Variants in ZHX2 observed in about 807,000 individuals in gnomAD.
The protein encoded by ZHX2 is zinc fingers and homeoboxes 2.
A neutral mutation model predicts 21.9 loss-of-function variants in ZHX2; 6 were observed. That is an observed-to-expected ratio of 0.27 (90% CI 0.15 to 0.54). ZHX2 has a LOEUF of 0.54. ZHX2 is among the 20% of genes least tolerant of loss of function. The pLI is 0.95. For missense variants in ZHX2, 908 were observed against 1,090.7 expected, an observed-to-expected ratio of 0.83 and a Z score of 2.36; for synonymous variants, 434 against 437.1, an observed-to-expected ratio of 0.99 and a Z score of 0.09.
chr8:122,910,136 A>G (rs947375573), intron 2 of ZHX2, among the ~76,000 whole-genome samples: 3 of 40,492 alleles, frequency 7.4e-5, no homozygotes, highest in Non-Finnish European at 1.7e-4. Flanking sequence ...AAAGTAGGGA[A>G]AAAAAAAAAA....
chr8:122,951,888 C>A lies in ZHX2; in HGVS notation c.378C>A (p.Ser126=). The A allele has an allele frequency of 6.2e-6, 10 of 1,614,058 alleles. No individual in the cohort carries two copies. The highest frequency in any genetic ancestry group is 8.5e-6 in the Non-Finnish European group (10 of 1,180,008). ...NFTTKKYDSL[S]DHNSKFHPGE... ...CAACCAAAAAGTACGACTCCCTATC[C>A]GACCACAACTCCAAGTTCCATCCCG... Residue 126 remains serine (S), a synonymous_variant, in exon 3 of 4, where the codon TCC becomes TCA. Coordinates refer to ENST00000314393, the MANE Select transcript of ZHX2 (RefSeq NM_014943.5).
intron 1 of ZHX2, among the ~76,000 whole-genome samples, chr8:122,858,638 C>CT (rs34399149): frequency 0.052 from 4,264 of 82,530 alleles, 132 homozygotes; most frequent in Non-Finnish European, 0.062. Context: ...TTCTTTCTTT[C>CT]TTTTTTTTTT....
chr8:122,856,314 A>G (rs1365521279), intron 1 of ZHX2, among the ~76,000 whole-genome samples: 1 of 152,140 alleles, frequency 6.6e-6, no homozygotes, highest in Non-Finnish European at 1.5e-5. Context: ...AGGCAGACAC[A>G]CCCATTGTCA....
chr8:122,949,833 C>A (rs1181857413), intron 2 of ZHX2, among the ~76,000 whole-genome samples: 1 of 152,184 alleles, frequency 6.6e-6, no homozygotes, highest in African/African-American at 2.4e-5. Context: ...GAGATAGAGG[C>A]TGCAGTGAGC....
chr8:122,861,030 C>A (rs1266121014), intron 1 of ZHX2, among the ~76,000 whole-genome samples: 1 of 113,442 alleles, frequency 8.8e-6, no homozygotes, highest in Non-Finnish European at 1.7e-5. Flanking sequence ...AGCAAGACTT[C>A]GTCTCAAAAA....
rs992335281 is a variant in ZHX2 at position 122,899,679 on chromosome 8, C to A, written c.-220+36140C>A. Among the ~76,000 whole-genome samples, 3 of 152,248 alleles carry A rather than the reference C, an allele frequency of 2.0e-5. No individual in the cohort carries two copies. The East Asian group carries it at 5.8e-4, about 29-fold the overall frequency. ...TATTGTGTCTTACCCTCCTCCTAAC[C>A]CAATTCCACAGTCACACCTCACATC... is the stretch of plus-strand genomic sequence containing the variant. On this transcript the variant is annotated intron_variant, in intron 2 of 3. Transcript: ENST00000314393.
At chr8:122,877,763 G>A (rs1009474817) in intron 2 of ZHX2, among the ~76,000 whole-genome samples, 3 of 152,140 alleles carry the variant, frequency 2.0e-5, no homozygotes, top group African/African-American at 4.8e-5. Context: ...AAGTGGAAGA[G>A]GAATTCTAAG....
intron 2 of ZHX2, among the ~76,000 whole-genome samples, chr8:122,928,340 G>T (rs538589590): frequency 6.6e-6 from 1 of 152,194 alleles, no homozygotes; most frequent in African/African-American, 2.4e-5. Flanking sequence ...TACACCAGGG[G>T]TCTGTCTGGC....
chr8:122,949,421 TA>T (rs953969692), intron 2 of ZHX2, among the ~76,000 whole-genome samples: 1 of 152,074 alleles, frequency 6.6e-6, no homozygotes, highest in Non-Finnish European at 1.5e-5. Flanking sequence ...TGCAAATTCA[TA>T]ATAAAAACCA....
intron 2 of ZHX2, among the ~76,000 whole-genome samples, chr8:122,949,831 G>A (rs980380252): frequency 6.6e-6 from 1 of 152,194 alleles, no homozygotes; most frequent in Non-Finnish European, 1.5e-5. Context: ...AGGAGATAGA[G>A]GCTGCAGTGA....
intron 3 of ZHX2, among the ~76,000 whole-genome samples, chr8:122,957,813 T>G (rs1390353933): frequency 1.3e-5 from 2 of 152,084 alleles, no homozygotes; most frequent in Non-Finnish European, 2.9e-5. Context: ...CCTTCTGCAC[T>G]AGGGGTGGCA....
rs541257726 is a variant in ZHX2 at position 122,818,157 on chromosome 8, G to A, written c.-283+36211G>A. Among the ~76,000 whole-genome samples the A allele has an allele frequency of 2.4e-4, 37 of 152,258 alleles. No individual in the cohort carries two copies. In the South Asian group the frequency reaches 6.8e-3, roughly 28 times the overall value. On this transcript the variant is annotated intron_variant, in intron 1 of 3. Transcript: ENST00000314393. The stretch of plus-strand genomic sequence containing the variant: ...GGACTCTCCTGAGCACTCTGTAAGC[G>A]TCAAATGCTGCAGGGCATTGGGTCA...
At chr8:122,899,433 G>A (rs553438576) in intron 2 of ZHX2, among the ~76,000 whole-genome samples, 3 of 152,164 alleles carry the variant, frequency 2.0e-5, no homozygotes, top group East Asian at 1.9e-4. Flanking sequence ...ATTAGTGGTC[G>A]AAGCTCAGAC....
intron 2 of ZHX2, among the ~76,000 whole-genome samples, chr8:122,915,202 TAGA>T (rs1400595869): frequency 1.3e-5 from 2 of 152,176 alleles, no homozygotes; most frequent in African/African-American, 4.8e-5. Flanking sequence ...GTGACAACAC[TAGA>T]AGGAGTATCT....
At chr8:122,829,102 C>T (rs1377824994) in intron 1 of ZHX2, among the ~76,000 whole-genome samples, 1 of 152,178 alleles carries the variant, frequency 6.6e-6, no homozygotes, top group Non-Finnish European at 1.5e-5. Context: ...AAAATGAGGA[C>T]TATATGTAAC....
chr8:122,875,847 G>T (rs1246368922), intron 2 of ZHX2, among the ~76,000 whole-genome samples: 3 of 152,172 alleles, frequency 2.0e-5, no homozygotes, highest in Non-Finnish European at 4.4e-5. Flanking sequence ...TCTCCCTTCA[G>T]GCAAGATAAA....
chr8:122,875,155 A>T lies in ZHX2; in HGVS notation c.-220+11616A>T, dbSNP rs1446241216. On this transcript the variant is annotated intron_variant, in intron 2 of 3. Transcript: ENST00000314393. ...TATATATATATATATATATATATATATATATATATATATATATATATATAT... is the reference window on the plus strand; with the variant it reads ...TATATATATATATATATATATATATTTATATATATATATATATATATATAT... Among the ~76,000 whole-genome samples the T allele has an allele frequency of 8.6e-4, 9 of 10,472 alleles. 1 individual carries two copies. The highest frequency in any genetic ancestry group is 2.7e-3 in the African/African-American group (8 of 2,938). 6.9% of individuals were successfully genotyped at this position (10,472 alleles called of 152,430 possible). A position where few individuals can be genotyped will look rare whatever the true frequency, so the allele number is the denominator to read the frequency against.
chr8:122,950,798 C>CT (rs1054219960), intron 2 of ZHX2, among the ~76,000 whole-genome samples: 10 of 150,728 alleles, frequency 6.6e-5, no homozygotes, highest in African/African-American at 2.2e-4. Context: ...GGGGTGATTG[C>CT]TTTTTTTTTC....
chr8:122,815,784 T>A (rs1284891514), intron 1 of ZHX2: 1 of 152,276 alleles, frequency 6.6e-6, no homozygotes, highest in Non-Finnish European at 1.5e-5. Flanking sequence ...ACTTTGTTGT[T>A]GTCTTATTTT....
Sources: allele counts gnomAD v4.1 joint callset (sites outside exome capture counted in the v4.1 genomes callset), GRCh38; gene constraint gnomAD v4.1.1; transcripts MANE v1.5; gene names NCBI Gene and HGNC (gene_info 2026-07-23, HGNC 2026-07-21).